JAZF1: variants seen among roughly 807,000 people sequenced by gnomAD.
The protein encoded by JAZF1 is juxtaposed with another zinc finger protein 1.
In JAZF1, 8 loss-of-function variants were observed where a neutral mutation model predicts 26.4. The ratio of observed to expected loss-of-function variants is 0.30; its 90% CI spans 0.18 to 0.55. The LOEUF (loss-of-function observed/expected upper bound fraction) is 0.55. Ranked by LOEUF, JAZF1 falls within the 20% of genes least tolerant of loss-of-function variation. The probability of loss-of-function intolerance (pLI) is 0.94; values close to 1 mark genes in which losing one functional copy is unlikely to be tolerated. For missense variants in JAZF1, 199 were observed against 322.0 expected (o/e 0.62, Z 2.92); for synonymous variants, 126 against 122.3 (o/e 1.03, Z -0.20).
Position 28,014,706 on chromosome 7 carries a change from G to A in JAZF1, c.116-22725C>T, listed in dbSNP as rs571935116. 2.2e-3 allele frequency among the ~76,000 whole-genome samples: 336 copies of A among 152,278 alleles called. 1 individual carries two copies. Among genetic ancestry groups the A allele is most frequent in the African/African-American group, 7.6e-3 (314 of 41,542 alleles). ...TTCGGTATGTCTTTAACAGCAGCAC[G>A]GAAACAGACTAGTATATAGGTCCTA... is the stretch of plus-strand genomic sequence containing the variant. On this transcript the variant is annotated intron_variant, in intron 1 of 4. Transcript: ENST00000283928.
At chr7:28,098,015 T>C (rs1364994118) in intron 1 of JAZF1, among the ~76,000 whole-genome samples, 1 of 152,222 alleles carries the variant, frequency 6.6e-6, no homozygotes, top group Non-Finnish European at 1.5e-5. Context: ...ATTTTGTCTC[T>C]AGACCCCAGA....
At chr7:27,981,531 G>A (rs902883270) in intron 2 of JAZF1, among the ~76,000 whole-genome samples, 37 of 152,080 alleles carry the variant, frequency 2.4e-4, no homozygotes, top group Non-Finnish European at 4.4e-5. Context: ...AAGTAGAGAT[G>A]AATGACTAAA....
chr7:28,050,778 A>G (rs1379435887), intron 1 of JAZF1, among the ~76,000 whole-genome samples: 1 of 152,196 alleles, frequency 6.6e-6, no homozygotes, highest in Non-Finnish European at 1.5e-5. Context: ...CGAGTTATTA[A>G]TATTTTACAT....
At chr7:27,994,403 A>G (rs1361817695) in intron 1 of JAZF1, among the ~76,000 whole-genome samples, 1 of 151,862 alleles carries the variant, frequency 6.6e-6, no homozygotes, top group African/African-American at 2.4e-5. Context: ...AGTGGGAAAC[A>G]GACTTCTGGA....
intron 3 of JAZF1, among the ~76,000 whole-genome samples, chr7:27,867,098 T>G (rs551316319): frequency 1.2e-4 from 18 of 152,278 alleles, no homozygotes; most frequent in African/African-American, 3.9e-4. Flanking sequence ...ATGATTTCCT[T>G]CTTAACTGTG....
intron 2 of JAZF1, among the ~76,000 whole-genome samples, chr7:27,964,817 T>A (rs1197302746): frequency 2.0e-5 from 3 of 152,014 alleles, no homozygotes; most frequent in Non-Finnish European, 1.5e-5. Flanking sequence ...AATCTGTTAG[T>A]CCTTAAAATA....
At chr7:27,957,293 C>G (rs1785112918) in intron 2 of JAZF1, among the ~76,000 whole-genome samples, 1 of 152,100 alleles carries the variant, frequency 6.6e-6, no homozygotes, top group African/African-American at 2.4e-5. Context: ...AGAAGTAGTT[C>G]AGTGCTTAAT....
At chr7:28,172,559 T>C (rs189475911) in intron 1 of JAZF1, among the ~76,000 whole-genome samples, 1 of 152,320 alleles carries the variant, frequency 6.6e-6, no homozygotes. Context: ...TTATTGAGTA[T>C]ATTCCTAAAA....
chr7:27,905,638 T>C (rs1438855033), intron 2 of JAZF1, among the ~76,000 whole-genome samples: 2 of 151,976 alleles, frequency 1.3e-5, no homozygotes, highest in East Asian at 3.8e-4. Flanking sequence ...ATATTATAGT[T>C]TGGATATTCC....
intron 1 of JAZF1, among the ~76,000 whole-genome samples, chr7:28,176,949 T>C (rs1783558829): frequency 1.3e-5 from 2 of 152,108 alleles, no homozygotes; most frequent in South Asian, 4.1e-4. Context: ...AGGATGTTCA[T>C]ACCAAGAATG....
At chr7:28,127,941 G>A (rs1424279900) in intron 1 of JAZF1, among the ~76,000 whole-genome samples, 1 of 151,906 alleles carries the variant, frequency 6.6e-6, no homozygotes, top group Non-Finnish European at 1.5e-5. Flanking sequence ...ATCTCCCACT[G>A]GGCCCTTCCC....
chr7:27,866,943 T>C (rs1007838939), intron 3 of JAZF1, among the ~76,000 whole-genome samples: 2 of 152,148 alleles, frequency 1.3e-5, no homozygotes, highest in African/African-American at 4.8e-5. Flanking sequence ...GAATGCAAGG[T>C]TGGAGATGGC....
At chr7:28,090,987 C>T (rs1177061183) in intron 1 of JAZF1, among the ~76,000 whole-genome samples, 3 of 150,866 alleles carry the variant, frequency 2.0e-5, no homozygotes, top group South Asian at 2.1e-4. Flanking sequence ...CCACCGCGCC[C>T]GGCTAATTTT....
At chr7:27,931,379 G>T (rs1784685921) in intron 2 of JAZF1, among the ~76,000 whole-genome samples, 1 of 152,140 alleles carries the variant, frequency 6.6e-6, no homozygotes, top group Non-Finnish European at 1.5e-5. Context: ...TACAAAACCA[G>T]TCTTTAAAAG....
chr7:27,915,158 C>G (rs1784425911), intron 2 of JAZF1, among the ~76,000 whole-genome samples: 1 of 152,152 alleles, frequency 6.6e-6, no homozygotes. Context: ...CTGGTAACAA[C>G]TAATTTTGTC....
chr7:27,935,630 C>T (rs1443658464), intron 2 of JAZF1, among the ~76,000 whole-genome samples: 2 of 152,116 alleles, frequency 1.3e-5, no homozygotes, highest in Non-Finnish European at 2.9e-5. Context: ...GATGGCTGCA[C>T]AGTGCTGTGA....
At chr7:28,174,317 T>G (rs1487836657) in intron 1 of JAZF1, among the ~76,000 whole-genome samples, 1 of 152,168 alleles carries the variant, frequency 6.6e-6, no homozygotes, top group Non-Finnish European at 1.5e-5. Flanking sequence ...AAACATTGTC[T>G]CCTGTCTCTC....
At chr7:28,041,868 A>C (rs2128377534) in intron 1 of JAZF1, among the ~76,000 whole-genome samples, 1 of 152,274 alleles carries the variant, frequency 6.6e-6, no homozygotes, top group Middle Eastern at 3.4e-3. Flanking sequence ...TCATTTCCAC[A>C]ACTGTTTGAC....
intron 2 of JAZF1, among the ~76,000 whole-genome samples, chr7:27,940,903 C>G (rs1347314669): frequency 1.3e-5 from 2 of 152,190 alleles, no homozygotes; most frequent in South Asian, 2.1e-4. Context: ...TAAGCAAGTA[C>G]ATAAATGTCT....
Sources: allele counts gnomAD v4.1 joint callset (sites outside exome capture counted in the v4.1 genomes callset), GRCh38; gene constraint gnomAD v4.1.1; transcripts MANE v1.5; gene names NCBI Gene and HGNC (gene_info 2026-07-23, HGNC 2026-07-21).